Variants in FRMD6 observed in about 807,000 individuals in gnomAD.
FRMD6 encodes FERM domain containing 6.
FRMD6 carries 37 observed loss-of-function variants against 73.2 expected under a neutral mutation model. That is an observed-to-expected ratio of 0.51 (90% CI 0.39 to 0.66). The LOEUF is 0.66. Among genes scored for constraint, FRMD6 ranks in the 30% least tolerant of loss-of-function variants. The pLI is 0.00. For missense variants in FRMD6, 714 were observed against 780.5 expected (o/e 0.91, Z 1.02); for synonymous variants, 273 against 282.2 (o/e 0.97, Z 0.33).
intron 2 of FRMD6, among the ~76,000 whole-genome samples, chr14:51,690,929 A>G (rs957655656): frequency 5.3e-5 from 8 of 152,184 alleles, no homozygotes; most frequent in African/African-American, 1.9e-4. Flanking sequence ...CAGCTCAATG[A>G]ATGTTTACAA....
the FRMD6 span, among the ~76,000 whole-genome samples, chr14:51,422,467 C>A: frequency 6.6e-6 from 1 of 151,790 alleles, no homozygotes; most frequent in African/African-American, 2.4e-5. Context: ...TAAATCAATA[C>A]AATATTGATT....
chr14:51,558,469 AAAAAAAC>A (rs994082741), intron 1 of FRMD6, among the ~76,000 whole-genome samples: 2 of 151,438 alleles, frequency 1.3e-5, no homozygotes, highest in African/African-American at 2.4e-5. Flanking sequence ...CTGTCTCAAA[AAAAAAAC>A]AAAAAACAAA....
intron 8 of FRMD6, 113 bp downstream of exon 8, chr14:51,711,709 C>G: frequency 1.4e-6 from 1 of 712,392 alleles, no homozygotes; most frequent in Non-Finnish European, 2.5e-6. Flanking sequence ...GGCTGGTCAT[C>G]ATTTCCCATT....
chr14:51,404,273 T>A, the FRMD6 span, among the ~76,000 whole-genome samples: 7 of 152,164 alleles, frequency 4.6e-5, no homozygotes. Flanking sequence ...TTTATTTTTA[T>A]ATATTCTGAA....
At chr14:51,398,543 T>C in the FRMD6 span, among the ~76,000 whole-genome samples, 1 of 152,134 alleles carries the variant, frequency 6.6e-6, no homozygotes, top group Admixed American at 6.5e-5. Flanking sequence ...CCAATATTTA[T>C]AAGCTGAGCA....
the FRMD6 span, among the ~76,000 whole-genome samples, chr14:51,437,178 C>A: frequency 6.6e-6 from 1 of 152,080 alleles, no homozygotes; most frequent in Admixed American, 6.5e-5. Flanking sequence ...ATGTTCCCTG[C>A]CCTGTTTCCA....
chr14:51,641,440 CTATT>C (rs1370820999), intron 2 of FRMD6, among the ~76,000 whole-genome samples: 1 of 152,106 alleles, frequency 6.6e-6, no homozygotes, highest in Admixed American at 6.6e-5. Flanking sequence ...AAAGAGTCTC[CTATT>C]TACCTTTCCC....
At chr14:51,409,885 G>A in the FRMD6 span, among the ~76,000 whole-genome samples, 8 of 152,124 alleles carry the variant, frequency 5.3e-5, no homozygotes, top group South Asian at 4.1e-4. Flanking sequence ...CACCACGCCC[G>A]GCCCAACGCA....
At chr14:51,701,221 G>C in intron 4 of FRMD6, 62 bp downstream of exon 4, 1 of 946,994 alleles carries the variant, frequency 1.1e-6, no homozygotes, top group Non-Finnish European at 1.6e-6. Context: ...TATTTTAGCT[G>C]TTATACATTA....
At chr14:51,509,180 G>A (rs527293771) in intron 1 of FRMD6, among the ~76,000 whole-genome samples, 1 of 152,234 alleles carries the variant, frequency 6.6e-6, no homozygotes, top group African/African-American at 2.4e-5. Context: ...TCCCCACTTG[G>A]TTACATTTCT....
chr14:51,503,791 G>A (rs1486523883), intron 1 of FRMD6, among the ~76,000 whole-genome samples: 1 of 150,938 alleles, frequency 6.6e-6, no homozygotes, highest in Non-Finnish European at 1.5e-5. Context: ...AGTTTCAGTA[G>A]AAATGGTACC....
intron 2 of FRMD6, among the ~76,000 whole-genome samples, chr14:51,581,764 T>A (rs547578025): frequency 6.6e-6 from 1 of 152,312 alleles, no homozygotes; most frequent in Non-Finnish European, 1.5e-5. Flanking sequence ...GCAGTGCTAG[T>A]GAAAAGTTCA....
At chr14:51,512,677 G>A (rs187184088) in intron 1 of FRMD6, among the ~76,000 whole-genome samples, 39 of 152,196 alleles carry the variant, frequency 2.6e-4, no homozygotes, top group Admixed American at 9.8e-4. Flanking sequence ...GCACAAATCG[G>A]TGGGTTCTAG....
chr14:51,663,026 T>C (rs1016953810), intron 1 of FRMD6, among the ~76,000 whole-genome samples: 1 of 151,960 alleles, frequency 6.6e-6, no homozygotes, highest in African/African-American at 2.4e-5. Context: ...AAAAAAAGCT[T>C]GTCATTGATA....
intron 1 of FRMD6, among the ~76,000 whole-genome samples, chr14:51,676,934 T>C (rs546554237): frequency 6.6e-6 from 1 of 152,270 alleles, no homozygotes; most frequent in East Asian, 1.9e-4. Flanking sequence ...ATTTTTGAAC[T>C]TTCTTTTTTT....
At chr14:51,459,882 C>CCCTTTTTTTTTTTTTTT in the FRMD6 span, among the ~76,000 whole-genome samples, 1 of 23,430 alleles carries the variant, frequency 4.3e-5, no homozygotes, top group South Asian at 2.3e-3. Flanking sequence ...ATTACTGACT[C>CCCTTTTTTTTTTTTTTT]TCTTTTTTTT....
chr14:51,545,500 A>G (rs1453338502), intron 1 of FRMD6, among the ~76,000 whole-genome samples: 1 of 152,094 alleles, frequency 6.6e-6, no homozygotes, highest in Non-Finnish European at 1.5e-5. Flanking sequence ...GCAAACTAGT[A>G]TTTAAACTGT....
chr14:51,484,976 C>T (rs1426245292), upstream of FRMD6, among the ~76,000 whole-genome samples: 2 of 152,220 alleles, frequency 1.3e-5, no homozygotes, highest in South Asian at 2.1e-4. Flanking sequence ...TGGGCCTGCA[C>T]TTGGCCTATG....
chr14:51,718,770 A>G (rs1012337179), intron 10 of FRMD6, among the ~76,000 whole-genome samples: 2 of 152,218 alleles, frequency 1.3e-5, no homozygotes, highest in African/African-American at 4.8e-5. Context: ...AACAATGTGA[A>G]TAGGCTGGAA....
Sources: gnomAD v4.1 joint callset for allele counts (sites outside exome capture counted in the v4.1 genomes callset) on GRCh38, gnomAD v4.1.1 for gene constraint, MANE v1.5 for transcripts, NCBI Gene and HGNC (gene_info 2026-07-23, HGNC 2026-07-21) for gene names.